CHRM3: variants seen among roughly 807,000 people sequenced by gnomAD.
CHRM3 encodes the protein cholinergic receptor muscarinic 3.
A neutral mutation model predicts 41.8 loss-of-function variants in CHRM3; 11 were observed. The ratio of observed to expected loss-of-function variants is 0.26; its 90% CI spans 0.17 to 0.44. The LOEUF (loss-of-function observed/expected upper bound fraction) is 0.44, where lower values mean the gene tolerates loss of function less well. Among genes scored for constraint, CHRM3 ranks in the 20% least tolerant of loss-of-function variants. CHRM3 has a pLI of 1.00. For synonymous variants in CHRM3, 297 were observed against 301.4 expected (o/e 0.99, Z 0.15); for missense variants, 571 against 745.4 (o/e 0.77, Z 2.72).
At chr1:239,674,429 G>A (rs1199671622) in intron 4 of CHRM3, among the ~76,000 whole-genome samples, 1 of 152,016 alleles carries the variant, frequency 6.6e-6, no homozygotes, top group African/African-American at 2.4e-5. Flanking sequence ...AAAATCACTG[G>A]CTGGGCGCGG....
intron 1 of CHRM3, among the ~76,000 whole-genome samples, chr1:239,413,318 C>T (rs547138484): frequency 6.6e-6 from 1 of 152,186 alleles, no homozygotes; most frequent in African/African-American, 2.4e-5. Flanking sequence ...GAGACCGAGT[C>T]TCACTCTGTC....
chr1:239,608,003 G>A (rs1306360291), intron 3 of CHRM3, among the ~76,000 whole-genome samples: 1 of 152,086 alleles, frequency 6.6e-6, no homozygotes, highest in African/African-American at 2.4e-5. Flanking sequence ...TATTTTAAAA[G>A]GAAGGCGTCT....
intron 2 of CHRM3, among the ~76,000 whole-genome samples, chr1:239,499,065 ATTTCATTCAAGGCTGGTATC>A (rs1255448812): frequency 1.3e-4 from 20 of 152,270 alleles, no homozygotes; most frequent in African/African-American, 4.8e-4. Context: ...TTTGAATTGA[ATTTCATTCAAGGCTGGTATC>A]TTTCAGTTTT....
chr1:239,768,550 A>G (rs1667406575), intron 5 of CHRM3, among the ~76,000 whole-genome samples: 2 of 152,214 alleles, frequency 1.3e-5, no homozygotes, highest in African/African-American at 4.8e-5. Context: ...CATGCTGTAA[A>G]GAATAAAAGA....
chr1:239,407,405 A>AATATATATATATATATATATATAT (rs143680510), intron 1 of CHRM3, among the ~76,000 whole-genome samples: 12 of 136,996 alleles, frequency 8.8e-5, no homozygotes, highest in East Asian at 2.1e-4. Context: ...AATGACTATA[A>AATATATATATATATATATATATAT]ATATATATAT....
In CHRM3 at chr1:239,417,544, A is replaced by G. The variant is rs372383230; in HGVS notation, c.-521+30317A>G. Among the ~76,000 whole-genome samples the G allele has an allele frequency of 6.0e-5, 9 of 150,082 alleles. No homozygotes were observed. In the East Asian group the frequency reaches 1.6e-3, roughly 26 times the overall value. On this transcript the variant is annotated intron_variant, in intron 1 of 6. Coordinates refer to ENST00000676153, the MANE Select transcript of CHRM3 (RefSeq NM_001375978.1). ...CACCATAAATTATGTTTTAAAGCCA[A>G]TATGTCAGATTGAGAAAATAGGTAA...
chr1:239,538,679 G>A (rs1300990524), intron 2 of CHRM3, among the ~76,000 whole-genome samples: 2 of 152,082 alleles, frequency 1.3e-5, no homozygotes, highest in African/African-American at 4.8e-5. Flanking sequence ...ATAAATATAG[G>A]AGTTAATTTT....
chr1:239,615,913 C>T (rs1321630731), intron 3 of CHRM3, among the ~76,000 whole-genome samples: 1 of 152,178 alleles, frequency 6.6e-6, no homozygotes. Flanking sequence ...AACTTTTGAA[C>T]ATGACTTTGA....
intron 1 of CHRM3, among the ~76,000 whole-genome samples, chr1:239,397,733 C>G (rs1290890168): frequency 6.9e-6 from 1 of 145,870 alleles, no homozygotes; most frequent in Non-Finnish European, 1.5e-5. Flanking sequence ...AATATATATT[C>G]TATAAAAATA....
intron 3 of CHRM3, among the ~76,000 whole-genome samples, chr1:239,561,796 A>G (rs1317402169): frequency 6.6e-6 from 1 of 152,168 alleles, no homozygotes; most frequent in African/African-American, 2.4e-5. Context: ...CTTTCTTCTC[A>G]GAACCTAGAA....
At chr1:239,592,160 T>C (rs1664246278) in intron 3 of CHRM3, among the ~76,000 whole-genome samples, 1 of 152,124 alleles carries the variant, frequency 6.6e-6, no homozygotes, top group South Asian at 2.1e-4. Flanking sequence ...ATAGATAGAG[T>C]CCATGTTACA....
chr1:239,752,754 T>C (rs906704455), intron 5 of CHRM3, among the ~76,000 whole-genome samples: 1 of 152,234 alleles, frequency 6.6e-6, no homozygotes, highest in Non-Finnish European at 1.5e-5. Flanking sequence ...AGCTAATTTT[T>C]CTAATATGGA....
chr1:239,450,918 G>A (rs538402114), intron 1 of CHRM3, among the ~76,000 whole-genome samples: 1 of 152,174 alleles, frequency 6.6e-6, no homozygotes, highest in Non-Finnish European at 1.5e-5. Context: ...GGCCAGGCAT[G>A]GTGGCTTACA....
intron 6 of CHRM3, among the ~76,000 whole-genome samples, chr1:239,863,945 T>C (rs1322312326): frequency 6.6e-6 from 1 of 152,126 alleles, no homozygotes; most frequent in Non-Finnish European, 1.5e-5. Context: ...ATTCCAGGAA[T>C]GTAAGGATGG....
intron 5 of CHRM3, among the ~76,000 whole-genome samples, chr1:239,718,399 A>T (rs1662606492): frequency 6.6e-6 from 1 of 152,050 alleles, no homozygotes; most frequent in Non-Finnish European, 1.5e-5. Context: ...CTGGCATCTT[A>T]GAGTCAGATA....
rs115206404 is a variant in CHRM3, at chr1:239,754,676, G to A, written c.-146-72576G>A. ...CCTGCTTTAGAGGGCATATGAAAAG[G>A]CAGTCCACTCACACTATGGGGCTCA... On this transcript the variant is annotated intron_variant, in intron 5 of 6. Coordinates refer to ENST00000676153, the MANE Select transcript of CHRM3 (RefSeq NM_001375978.1). 7.1e-3 allele frequency among the ~76,000 whole-genome samples: 1,085 copies of A among 152,268 alleles called. 10 individuals carry two copies. The highest frequency in any genetic ancestry group is 9.1e-3 in the Non-Finnish European group (617 of 68,024).
chr1:239,755,646 G>T (rs571624809), intron 5 of CHRM3, among the ~76,000 whole-genome samples: 4 of 152,292 alleles, frequency 2.6e-5, no homozygotes, highest in Non-Finnish European at 5.9e-5. Context: ...AGCCAGGAGG[G>T]TCGGAGACCA....
At position 239,531,639 on chromosome 1, in the gene CHRM3, A is replaced by ATTTTTTTTTT. The variant is rs58433814; in HGVS notation, c.-421-13974_-421-13965dup. 2.1e-4 allele frequency among the ~76,000 whole-genome samples: 12 copies of ATTTTTTTTTT among 55,900 alleles called. 2 individuals are homozygous for ATTTTTTTTTT. Among genetic ancestry groups the ATTTTTTTTTT allele is most frequent in the South Asian group, 9.3e-4 (1 of 1,080 alleles). The allele number at this position is 55,900 out of a possible 152,430, so 36.7% of individuals were successfully genotyped here. ...ATAAAAACTAATCTCTCTAGAATGG[A>ATTTTTTTTTT]TTTTTTTTTTTTTTTTTTTTTTTTT... On this transcript the variant is annotated intron_variant, in intron 2 of 6. Transcript: ENST00000676153.
At chr1:239,420,137 T>C (rs1461397370) in intron 1 of CHRM3, among the ~76,000 whole-genome samples, 2 of 152,220 alleles carry the variant, frequency 1.3e-5, no homozygotes, top group Non-Finnish European at 2.9e-5. Flanking sequence ...TTTTGGAGAC[T>C]TGAGCTCTCT....
Sources: gnomAD v4.1 joint callset for allele counts (sites outside exome capture counted in the v4.1 genomes callset) on GRCh38, gnomAD v4.1.1 for gene constraint, MANE v1.5 for transcripts, NCBI Gene and HGNC (gene_info 2026-07-23, HGNC 2026-07-21) for gene names.